Variants in CLYBL observed in about 807,000 individuals in gnomAD.
The protein encoded by CLYBL is citramalyl-CoA lyase, mitochondrial.
Under a neutral mutation model 38.9 loss-of-function variants are expected in CLYBL, and 31 were observed. The observed-to-expected ratio is 0.80, with a 90% CI of 0.60 to 1.08. CLYBL has a LOEUF of 1.08. Ranked by LOEUF, CLYBL falls within the 50% of genes least tolerant of loss-of-function variation. CLYBL has a pLI of 0.00. For synonymous variants in CLYBL, 171 were observed against 158.6 expected (o/e 1.08, Z -0.59); for missense variants, 434 against 411.6 (o/e 1.05, Z -0.47).
At chr13:99,702,645 A>C (rs1368193775) in intron 1 of CLYBL, among the ~76,000 whole-genome samples, 1 of 152,118 alleles carries the variant, frequency 6.6e-6, no homozygotes, top group African/African-American at 2.4e-5. Context: ...AAAAAAAAAA[A>C]AAAAACCTAT....
chr13:99,819,465 T>TATATATATAAAA (rs1366110606), intron 2 of CLYBL, among the ~76,000 whole-genome samples: 30 of 58,746 alleles, frequency 5.1e-4, no homozygotes, highest in African/African-American at 1.6e-3. Flanking sequence ...TATATATATA[T>TATATATATAAAA]ATAATATTTG....
chr13:99,740,769 C>T (rs1269076002), intron 1 of CLYBL, among the ~76,000 whole-genome samples: 1 of 152,202 alleles, frequency 6.6e-6, no homozygotes, highest in African/African-American at 2.4e-5. Context: ...ACTGAATTTT[C>T]AAGTCCTGCT....
chr13:99,855,771 C>T (rs2051445743), intron 2 of CLYBL, among the ~76,000 whole-genome samples: 1 of 151,866 alleles, frequency 6.6e-6, no homozygotes, highest in African/African-American at 2.4e-5. Flanking sequence ...ATACTTCACC[C>T]TGAAAATACC....
At chr13:99,876,376 ACAC>A (rs1399569788) in intron 7 of CLYBL, among the ~76,000 whole-genome samples, 1 of 145,252 alleles carries the variant, frequency 6.9e-6, no homozygotes, top group Non-Finnish European at 1.5e-5. Context: ...AGCCAAGATC[ACAC>A]CACTGCAATC....
intron 1 of CLYBL, among the ~76,000 whole-genome samples, chr13:99,613,753 G>A (rs148799669): frequency 1.6e-4 from 25 of 152,334 alleles, no homozygotes; most frequent in African/African-American, 6.0e-4. Context: ...ATGAATGTGT[G>A]TTCTTTGCTA....
chr13:99,712,108 G>C (rs2048243283), intron 1 of CLYBL, among the ~76,000 whole-genome samples: 1 of 152,158 alleles, frequency 6.6e-6, no homozygotes, highest in African/African-American at 2.4e-5. Context: ...TGGGAATGAA[G>C]ACTTCAACAT....
At chr13:99,840,961 A>G (rs1032826021) in intron 2 of CLYBL, among the ~76,000 whole-genome samples, 4 of 152,054 alleles carry the variant, frequency 2.6e-5, no homozygotes, top group Non-Finnish European at 5.9e-5. Context: ...CCATAACAGC[A>G]GCAGATGGAC....
chr13:99,714,197 G>A (rs1167426998), intron 1 of CLYBL, among the ~76,000 whole-genome samples: 2 of 152,038 alleles, frequency 1.3e-5, no homozygotes, highest in African/African-American at 4.8e-5. Flanking sequence ...TTTTTGCTCT[G>A]TTCTGCTCTT....
intron 1 of CLYBL, among the ~76,000 whole-genome samples, chr13:99,613,025 GATAATAATA>G (rs57244403): frequency 2.2e-3 from 97 of 44,634 alleles, no homozygotes; most frequent in African/African-American, 4.2e-3. Context: ...AAATAGTGAT[GATAATAATA>G]ATAATAATAA....
intron 2 of CLYBL, among the ~76,000 whole-genome samples, chr13:99,780,568 G>A (rs1376423784): frequency 6.6e-6 from 1 of 151,404 alleles, no homozygotes; most frequent in African/African-American, 2.4e-5. Context: ...GTTTATAGCA[G>A]AGATGGGGTT....
At chr13:99,661,817 G>A (rs960651918) in intron 1 of CLYBL, among the ~76,000 whole-genome samples, 1 of 152,158 alleles carries the variant, frequency 6.6e-6, no homozygotes, top group Non-Finnish European at 1.5e-5. Context: ...AAAGTCTGAT[G>A]TGTTAACAGT....
chr13:99,688,806 T>C (rs762573417), intron 1 of CLYBL, among the ~76,000 whole-genome samples: 1 of 152,176 alleles, frequency 6.6e-6, no homozygotes, highest in Non-Finnish European at 1.5e-5. Context: ...GGCAACTTCT[T>C]CCTTATTTGT....
chr13:99,769,154 A>G (rs1004507873), intron 1 of CLYBL, among the ~76,000 whole-genome samples: 1 of 152,182 alleles, frequency 6.6e-6, no homozygotes, highest in Non-Finnish European at 1.5e-5. Flanking sequence ...GGCTCCCTCA[A>G]GCTATGTGCA....
chr13:99,788,054 C>G (rs1426033809), intron 2 of CLYBL, among the ~76,000 whole-genome samples: 1 of 152,138 alleles, frequency 6.6e-6, no homozygotes, highest in Non-Finnish European at 1.5e-5. Context: ...GATTTTGTAT[C>G]CTGAGACTTT....
chr13:99,864,188 C>T (rs1449534941), intron 4 of CLYBL, among the ~76,000 whole-genome samples: 2 of 144,786 alleles, frequency 1.4e-5, no homozygotes, highest in African/African-American at 5.0e-5. Context: ...GTGTCCCCAC[C>T]GGTTCCTCGT....
At chr13:99,608,076 TTTTTTTTTTTC>T (rs1192140174) in intron 1 of CLYBL, among the ~76,000 whole-genome samples, 7 of 122,062 alleles carry the variant, frequency 5.7e-5, no homozygotes, top group African/African-American at 2.2e-4. Context: ...TTTTTTTTTT[TTTTTTTTTTTC>T]CGAGATGGAG....
intron 2 of CLYBL, among the ~76,000 whole-genome samples, chr13:99,781,479 A>G (rs2049653287): frequency 6.7e-6 from 1 of 150,306 alleles, no homozygotes; most frequent in Non-Finnish European, 1.5e-5. Context: ...CAAATTTTTT[A>G]TTTTTTGAGA....
At chr13:99,819,416 T>TTATATATA (rs71715024) in intron 2 of CLYBL, among the ~76,000 whole-genome samples, 281 of 18,244 alleles carry the variant, frequency 0.015, 12 homozygotes, top group Non-Finnish European at 0.018. Context: ...GGGAAAAAAT[T>TTATATATA]TATATATATA....
At chr13:99,649,901 GA>G (rs957873680) in intron 1 of CLYBL, among the ~76,000 whole-genome samples, 23 of 149,046 alleles carry the variant, frequency 1.5e-4, no homozygotes, top group Admixed American at 1.1e-3. Flanking sequence ...GATGCTTCAT[GA>G]AAAAAAAAGA....
Sources: allele counts gnomAD v4.1 joint callset (sites outside exome capture counted in the v4.1 genomes callset), GRCh38; gene constraint gnomAD v4.1.1; transcripts MANE v1.5; gene names NCBI Gene and HGNC (gene_info 2026-07-23, HGNC 2026-07-21).